SEM1: variants seen among roughly 807,000 people sequenced by gnomAD.
SEM1 encodes the protein 26S proteasome complex subunit SEM1.
SEM1 carries 3 observed loss-of-function variants against 12.7 expected under a neutral mutation model. The ratio of observed to expected loss-of-function variants is 0.24; its 90% CI spans 0.11 to 0.61. SEM1 has a LOEUF of 0.61. SEM1 is among the 20% of genes least tolerant of loss of function. The pLI, the probability that SEM1 is intolerant of heterozygous loss-of-function variation, is 0.88. For missense variants in SEM1, 59 were observed against 81.3 expected (o/e 0.73, Z 1.06); for synonymous variants, 30 against 27.8 (o/e 1.08, Z -0.25).
At chr7:96,485,385 A>G (rs1404509094) in intron 2 of SEM1, among the ~76,000 whole-genome samples, 1 of 151,924 alleles carries the variant, frequency 6.6e-6, no homozygotes, top group Non-Finnish European at 1.5e-5. Flanking sequence ...CTTTTTCAGC[A>G]TCTAGAAGCC....
At chr7:96,682,175 C>T (rs186429657) in intron 2 of SEM1, among the ~76,000 whole-genome samples, 17 of 151,698 alleles carry the variant, frequency 1.1e-4, no homozygotes, top group Admixed American at 9.2e-4. Context: ...CTCATGATTT[C>T]GCTCTCTTTT....
intron 2 of SEM1, among the ~76,000 whole-genome samples, chr7:96,518,735 A>G (rs1374620726): frequency 1.3e-5 from 2 of 152,144 alleles, no homozygotes; most frequent in Non-Finnish European, 2.9e-5. Context: ...CTCTTTGCGA[A>G]TTATTCAGTT....
intron 2 of SEM1, among the ~76,000 whole-genome samples, chr7:96,628,899 A>G (rs532556296): frequency 4.5e-4 from 69 of 152,186 alleles, no homozygotes; most frequent in Middle Eastern, 3.4e-3. Flanking sequence ...TTTGAAGAAT[A>G]TTTTCACCAG....
chr7:96,593,742 T>C (rs566376955), intron 2 of SEM1, among the ~76,000 whole-genome samples: 9 of 152,320 alleles, frequency 5.9e-5, no homozygotes, highest in African/African-American at 2.2e-4. Flanking sequence ...ATTTTCCCAT[T>C]ACCAAAATGA....
chr7:96,689,906 GC>G (rs1789878250), intron 2 of SEM1, among the ~76,000 whole-genome samples: 1 of 152,068 alleles, frequency 6.6e-6, no homozygotes, highest in African/African-American at 2.4e-5. Context: ...CCCTTCCCCT[GC>G]CCCTCAGGAA....
intron 2 of SEM1, among the ~76,000 whole-genome samples, chr7:96,555,260 T>C (rs1327517406): frequency 2.0e-5 from 3 of 152,148 alleles, no homozygotes; most frequent in Non-Finnish European, 4.4e-5. Context: ...CCCTTGCTTT[T>C]CTAGTTCCTT....
chr7:96,505,727 A>G (rs899448233), intron 3 of SEM1, among the ~76,000 whole-genome samples: 1 of 152,076 alleles, frequency 6.6e-6, no homozygotes, highest in Non-Finnish European at 1.5e-5. Context: ...AGAAAAGGAG[A>G]GGAGTCTTTC....
chr7:96,507,057 T>TA (rs949912822), intron 2 of SEM1, among the ~76,000 whole-genome samples: 2 of 151,852 alleles, frequency 1.3e-5, no homozygotes, highest in East Asian at 1.9e-4. Flanking sequence ...ATCTCTTTAT[T>TA]AAAAAAAATT....
intron 2 of SEM1, among the ~76,000 whole-genome samples, chr7:96,572,021 A>G (rs972324900): frequency 1.3e-5 from 2 of 152,142 alleles, no homozygotes; most frequent in Admixed American, 1.3e-4. Flanking sequence ...GGGAGAGTGT[A>G]CATGTACAGG....
intron 2 of SEM1, among the ~76,000 whole-genome samples, chr7:96,648,685 T>C (rs987145119): frequency 1.3e-5 from 2 of 152,190 alleles, no homozygotes; most frequent in South Asian, 4.1e-4. Flanking sequence ...CCTCTGGGTA[T>C]AGGTTGGCTT....
At chr7:96,520,474 G>A (rs761611415) in intron 2 of SEM1, among the ~76,000 whole-genome samples, 3 of 152,114 alleles carry the variant, frequency 2.0e-5, no homozygotes, top group Non-Finnish European at 4.4e-5. Flanking sequence ...TCACCAAATA[G>A]CTGATATAAC....
At chr7:96,705,646 T>C (rs887790427) in intron 1 of SEM1, among the ~76,000 whole-genome samples, 2 of 151,718 alleles carry the variant, frequency 1.3e-5, no homozygotes, top group African/African-American at 4.8e-5. Context: ...GCTAACACCA[T>C]GAAACCCCAT....
At chr7:96,642,237 T>C (rs1426636479) in intron 2 of SEM1, among the ~76,000 whole-genome samples, 2 of 152,008 alleles carry the variant, frequency 1.3e-5, no homozygotes, top group Admixed American at 6.6e-5. Flanking sequence ...GACTTGTAGA[T>C]TACAGAGAAG....
chr7:96,508,933 G>A (rs1803839998), intron 2 of SEM1, among the ~76,000 whole-genome samples: 1 of 151,638 alleles, frequency 6.6e-6, no homozygotes, highest in South Asian at 2.1e-4. Flanking sequence ...AAAAAGTGTA[G>A]TGATTTGATT....
At chr7:96,502,529 G>A (rs903149670) in intron 3 of SEM1, among the ~76,000 whole-genome samples, 2 of 152,006 alleles carry the variant, frequency 1.3e-5, no homozygotes, top group Non-Finnish European at 1.5e-5. Flanking sequence ...TGTAAAAATG[G>A]GTAATGACAC....
At chr7:96,593,458 C>A (rs922937426) in intron 2 of SEM1, among the ~76,000 whole-genome samples, 3 of 152,128 alleles carry the variant, frequency 2.0e-5, no homozygotes, top group African/African-American at 7.2e-5. Context: ...TTACAGCCAC[C>A]TGGAACTAAT....
intron 1 of SEM1, among the ~76,000 whole-genome samples, chr7:96,698,175 C>T (rs1366613549): frequency 1.3e-5 from 2 of 152,002 alleles, no homozygotes; most frequent in African/African-American, 4.8e-5. Context: ...AATCCAAACC[C>T]AATTATTTTC....
chr7:96,546,069 A>G (rs565932509), intron 2 of SEM1, among the ~76,000 whole-genome samples: 1 of 152,240 alleles, frequency 6.6e-6, no homozygotes, highest in East Asian at 1.9e-4. Flanking sequence ...TTCTCTGAGA[A>G]GAATCTTGCT....
intron 2 of SEM1, among the ~76,000 whole-genome samples, chr7:96,558,863 T>C (rs1383245662): frequency 6.6e-6 from 1 of 152,214 alleles, no homozygotes; most frequent in African/African-American, 2.4e-5. Context: ...AAAAGGAGCA[T>C]GGTATTTGGA....
Sources: allele counts gnomAD v4.1 joint callset (sites outside exome capture counted in the v4.1 genomes callset), GRCh38; gene constraint gnomAD v4.1.1; transcripts MANE v1.5; gene names NCBI Gene and HGNC (gene_info 2026-07-23, HGNC 2026-07-21).